COL27A1: variants seen among roughly 807,000 people sequenced by gnomAD.
The protein encoded by COL27A1 is collagen type XXVII alpha 1 chain.
COL27A1 carries 106 observed loss-of-function variants against 251.3 expected under a neutral mutation model. The ratio of observed to expected loss-of-function variants is 0.42; its 90% CI spans 0.36 to 0.50. The LOEUF is 0.50. COL27A1 is among the 20% of genes least tolerant of loss of function. The pLI, the probability that COL27A1 is intolerant of heterozygous loss-of-function variation, is 0.00. For missense variants in COL27A1, 2,325 were observed against 2,522.8 expected, an observed-to-expected ratio of 0.92 and a Z score of 1.68; for synonymous variants, 1,000 against 986.3, an observed-to-expected ratio of 1.01 and a Z score of -0.26.
Position 114,234,212 on chromosome 9 carries a change from T to TAA in COL27A1, c.2566-1366_2566-1365dup, listed in dbSNP as rs11415885. ...ACCCCTTCACTCCTCTCTTGGACAT[T>TAA]AAAAAAAAAAAAAAAAAAAAAAGTC... On this transcript the variant is annotated intron_variant, in intron 16 of 60. Transcript: ENST00000356083. 3.6e-3 allele frequency among the ~76,000 whole-genome samples: 324 copies of TAA among 89,326 alleles called. 5 individuals are homozygous for TAA. Among genetic ancestry groups the TAA allele is most frequent in the African/African-American group, 9.3e-3 (198 of 21,244 alleles). 58.6% of individuals were successfully genotyped at this position (89,326 alleles called of 152,430 possible).
Position 114,265,463 on chromosome 9 carries a change from C to T in COL27A1, c.3381C>T (p.Leu1127=). The change falls in exon 32 of 61, where the codon CTC becomes CTT. Residue 1127 remains leucine (L), a synonymous_variant. Coordinates refer to ENST00000356083, the MANE Select transcript of COL27A1 (RefSeq NM_032888.4). ...GPSGPPGTKG[L]PGEPGPQGPQ... Reference sequence around the variant, plus strand: ...CAGGCCCCCCAGGCACCAAGGGCCTCCCAGGAGAACCGGTAAGAGCCCTTT... The same window carrying T: ...CAGGCCCCCCAGGCACCAAGGGCCTTCCAGGAGAACCGGTAAGAGCCCTTT... The T allele has an allele frequency of 1.2e-6, 2 of 1,613,884 alleles. No individual in the cohort carries two copies. Among genetic ancestry groups the T allele is most frequent in the Non-Finnish European group, 8.5e-7 (1 of 1,179,952 alleles).
At chr9:114,180,415 T>A (rs2135157877) in intron 4 of COL27A1, among the ~76,000 whole-genome samples, 1 of 152,296 alleles carries the variant, frequency 6.6e-6, no homozygotes, top group Admixed American at 6.5e-5. Flanking sequence ...AAGGCATTTC[T>A]AAGTTTCCAC....
chr9:114,250,741 C>G (rs1432607851), intron 25 of COL27A1, 73 bp downstream of exon 25: 4 of 1,393,074 alleles, frequency 2.9e-6, no homozygotes, highest in Non-Finnish European at 4.1e-6. Flanking sequence ...TGAAGAGGCC[C>G]TTTGACCTGG....
At chr9:114,238,190 A>T (rs1832526315) in intron 19 of COL27A1, among the ~76,000 whole-genome samples, 2 of 152,224 alleles carry the variant, frequency 1.3e-5, no homozygotes, top group Admixed American at 1.3e-4. Context: ...ATAAGGATAG[A>T]TTTAGCAATT....
chr9:114,305,081 C>T (rs952283833), intron 57 of COL27A1, among the ~76,000 whole-genome samples: 2 of 152,190 alleles, frequency 1.3e-5, no homozygotes, highest in Admixed American at 6.5e-5. Context: ...AGAACCTGCC[C>T]TGTGGTTAAC....
chr9:114,281,285 TTC>T (rs1281438561), intron 37 of COL27A1, among the ~76,000 whole-genome samples: 1 of 152,228 alleles, frequency 6.6e-6, no homozygotes, highest in African/African-American at 2.4e-5. Flanking sequence ...CCAGGATTGA[TTC>T]TCTCTCTTCT....
At chr9:114,156,097 G>T in intron 1 of COL27A1, 85 bp downstream of exon 1, 5 of 1,287,100 alleles carry the variant, frequency 3.9e-6, no homozygotes, top group Non-Finnish European at 3.9e-6. Context: ...CCATGCGGTC[G>T]CTTCCAGCGG....
chr9:114,300,974 T>C lies in COL27A1; in HGVS notation c.4702-98T>C, dbSNP rs1231027109. On this transcript the variant is annotated intron_variant, in intron 51 of 60. Transcript: ENST00000356083. ...GGCCCGCTTCAGATGGTCTCCCTTC[T>C]ACTCCCTTGCGACGCTCGGGCTGCC... The C allele has an allele frequency of 1.1e-5, 13 of 1,203,528 alleles. No individual in the cohort carries two copies. In the Admixed American group the frequency reaches 2.0e-4, roughly 18 times the overall value. 74.6% of individuals were successfully genotyped at this position (1,203,528 alleles called of 1,614,324 possible).
In COL27A1 at chr9:114,274,554, C is replaced by T. The variant is rs562751856; in HGVS notation, c.3610-1107C>T. On this transcript the variant is annotated intron_variant, in intron 36 of 60. Coordinates refer to ENST00000356083, the MANE Select transcript of COL27A1 (RefSeq NM_032888.4). Reference sequence around the variant, plus strand: ...GACTATGGTCCTGACATGGTTAGTGCTATATAAATGTTAGCTCCATCCACT... The same window carrying T: ...GACTATGGTCCTGACATGGTTAGTGTTATATAAATGTTAGCTCCATCCACT... Among the ~76,000 whole-genome samples the T allele has an allele frequency of 3.3e-5, 5 of 152,248 alleles. No individual in the cohort carries two copies. The East Asian group carries it at 9.7e-4, about 29-fold the overall frequency.
intron 12 of COL27A1, among the ~76,000 whole-genome samples, chr9:114,212,715 C>T (rs761274691): frequency 6.6e-6 from 1 of 151,738 alleles, no homozygotes; most frequent in Admixed American, 6.6e-5. Context: ...TTTTCTCTTC[C>T]GAGAAATGGG....
chr9:114,199,612 T>A (rs77959592), intron 7 of COL27A1, among the ~76,000 whole-genome samples: 4,402 of 152,268 alleles, frequency 0.029, 76 homozygotes, highest in Non-Finnish European at 0.035. Flanking sequence ...AAGAATAGCA[T>A]CTTCTTCAAG....
intron 4 of COL27A1, among the ~76,000 whole-genome samples, chr9:114,178,951 T>C (rs1827687953): frequency 6.6e-6 from 1 of 152,130 alleles, no homozygotes; most frequent in Admixed American, 6.5e-5. Flanking sequence ...AGTGAGATCA[T>C]TCTCATTTTA....
intron 10 of COL27A1, 42 bp from the exon 11 acceptor site, chr9:114,209,633 T>G: frequency 6.2e-7 from 1 of 1,603,072 alleles, no homozygotes; most frequent in Non-Finnish European, 8.5e-7. Context: ...CAGCCACACC[T>G]CACTGCTTGA....
chr9:114,174,579 C>T (rs577343959), intron 3 of COL27A1, among the ~76,000 whole-genome samples: 1 of 152,214 alleles, frequency 6.6e-6, no homozygotes, highest in South Asian at 2.1e-4. Flanking sequence ...CAAGGAAGGC[C>T]GGGGTATAAT....
chr9:114,262,562 T>C (rs901895217), intron 28 of COL27A1, among the ~76,000 whole-genome samples: 13 of 152,240 alleles, frequency 8.5e-5, no homozygotes, highest in Non-Finnish European at 1.8e-4. Flanking sequence ...AAGCACTTTC[T>C]GCGTGCCAGG....
At chr9:114,200,901 G>A (rs902196795) in intron 7 of COL27A1, among the ~76,000 whole-genome samples, 2 of 152,182 alleles carry the variant, frequency 1.3e-5, no homozygotes, top group Non-Finnish European at 2.9e-5. Context: ...AAGGGGAGCT[G>A]AGGCCTTGCA....
At chr9:114,244,412 C>T (rs1832972108) in intron 23 of COL27A1, among the ~76,000 whole-genome samples, 1 of 152,120 alleles carries the variant, frequency 6.6e-6, no homozygotes, top group Admixed American at 6.5e-5. Flanking sequence ...CAAAAAAGAC[C>T]TGGCCCAAGA....
At chr9:114,209,390 C>T (rs1350317069) in intron 10 of COL27A1, 2 of 710,904 alleles carry the variant, frequency 2.8e-6, no homozygotes, top group African/African-American at 1.7e-5. Context: ...GGTCCTGGAG[C>T]CCTGGCGTGG....
chr9:114,236,938 T>A (rs1564506750), intron 17 of COL27A1, 43 bp from the exon 18 acceptor site: 1 of 1,605,782 alleles, frequency 6.2e-7, no homozygotes, highest in East Asian at 2.2e-5. Context: ...ACCTGGCCAT[T>A]TCTCTTCCTC....
Sources: allele counts gnomAD v4.1 joint callset (sites outside exome capture counted in the v4.1 genomes callset), GRCh38; gene constraint gnomAD v4.1.1; transcripts MANE v1.5; gene names NCBI Gene and HGNC (gene_info 2026-07-23, HGNC 2026-07-21).